ANKRD12: variants seen among roughly 807,000 people sequenced by gnomAD.
The protein encoded by ANKRD12 is ankyrin repeat domain-containing protein 12.
ANKRD12 carries 85 observed loss-of-function variants against 183.4 expected under a neutral mutation model. That is an observed-to-expected ratio of 0.46 (90% CI 0.39 to 0.56). The LOEUF is 0.56. ANKRD12 is among the 20% of genes least tolerant of loss of function. The pLI is 0.00. For synonymous variants in ANKRD12, 914 were observed against 800.2 expected (o/e 1.14, Z -2.40); for missense variants, 2,405 against 2,357.1 (o/e 1.02, Z -0.42).
At chr18:9,221,812 CTG>C (rs2036436703) in intron 7 of ANKRD12, 38 bp from the exon 8 acceptor site, 3 of 1,605,604 alleles carry the variant, frequency 1.9e-6, no homozygotes, top group Admixed American at 3.4e-5. Context: ...TGATAACAAT[CTG>C]TGAAGGGACT....
intron 5 of ANKRD12, among the ~76,000 whole-genome samples, chr18:9,210,887 A>G (rs1010907314): frequency 6.6e-6 from 1 of 151,894 alleles, no homozygotes; most frequent in Non-Finnish European, 1.5e-5. Context: ...TATAGTTGTA[A>G]ATTTTCAGAA....
intron 6 of ANKRD12, among the ~76,000 whole-genome samples, chr18:9,213,972 G>A (rs2035949633): frequency 6.6e-6 from 1 of 151,724 alleles, no homozygotes; most frequent in Admixed American, 6.6e-5. Context: ...TATATTTATT[G>A]GAAAGCTTAA....
intron 1 of ANKRD12, among the ~76,000 whole-genome samples, chr18:9,152,302 A>G (rs2078709058): frequency 6.6e-6 from 1 of 151,502 alleles, no homozygotes; most frequent in Admixed American, 6.6e-5. Flanking sequence ...GAAAATAAAA[A>G]GATACCTTTA....
At chr18:9,162,896 GT>G (rs1314848552) in intron 1 of ANKRD12, among the ~76,000 whole-genome samples, 2 of 151,788 alleles carry the variant, frequency 1.3e-5, no homozygotes, top group African/African-American at 2.4e-5. Flanking sequence ...GGGGTTGGTT[GT>G]TTTTTTCTTA....
chr18:9,162,742 T>C (rs1352871522), intron 1 of ANKRD12, among the ~76,000 whole-genome samples: 1 of 152,180 alleles, frequency 6.6e-6, no homozygotes, highest in Non-Finnish European at 1.5e-5. Flanking sequence ...TAATCGCCAT[T>C]CTGACTGGCA....
chr18:9,187,744 T>G (rs1567893965), intron 2 of ANKRD12, among the ~76,000 whole-genome samples: 1 of 152,226 alleles, frequency 6.6e-6, no homozygotes. Flanking sequence ...TAAATCAGTA[T>G]TTAAAATTTG....
At chr18:9,206,475 C>T (rs548814643) in intron 4 of ANKRD12, among the ~76,000 whole-genome samples, 4 of 152,020 alleles carry the variant, frequency 2.6e-5, no homozygotes, top group Non-Finnish European at 4.4e-5. Flanking sequence ...CTGCTTTTAA[C>T]TTGAAAACGC....
intron 3 of ANKRD12, 37 bp downstream of exon 3, chr18:9,195,735 C>G (rs1234463808): frequency 1.9e-6 from 3 of 1,588,700 alleles, no homozygotes; most frequent in Non-Finnish European, 2.6e-6. Context: ...AAATCTTGCC[C>G]ATTCTTTAAT....
intron 1 of ANKRD12, among the ~76,000 whole-genome samples, chr18:9,139,978 A>G (rs1247985514): frequency 2.0e-5 from 3 of 152,196 alleles, no homozygotes; most frequent in African/African-American, 7.2e-5. Context: ...GAGTTGTGGA[A>G]AGAACATTGA....
intron 1 of ANKRD12, among the ~76,000 whole-genome samples, chr18:9,171,249 A>G (rs1455761921): frequency 1.3e-5 from 2 of 152,074 alleles, no homozygotes; most frequent in African/African-American, 4.8e-5. Context: ...AAATGCAGAA[A>G]TCACCCGTCT....
chr18:9,255,959 G>A lies in ANKRD12; in HGVS notation c.2692G>A (p.Asp898Asn). The A allele has an allele frequency of 6.3e-7, 1 of 1,576,944 alleles. No homozygotes were observed. Residue 898 changes from aspartate (D) to asparagine (N), a missense_variant, in exon 9 of 13, where the codon GAC becomes AAC. Asp to Asn is a conservative substitution (Grantham distance 23, BLOSUM62 1). Coordinates refer to ENST00000262126, the MANE Select transcript of ANKRD12 (RefSeq NM_015208.5). ...AAATACTGCTGCTATTAAAAAAACT[G>A]ACGACAGAGAGAAAAGTAGAGAAAA... The part of the protein sequence containing the change: ...SKNTAAIKKT[D>N]DREKSREKMD...
intron 3 of ANKRD12, 58 bp downstream of exon 3, chr18:9,195,756 G>C (rs1231061077): frequency 6.5e-7 from 1 of 1,539,928 alleles, no homozygotes; most frequent in Non-Finnish European, 8.8e-7. Flanking sequence ...TCTGATTTTT[G>C]TTTCTTGTAC....
At chr18:9,226,106 A>G (rs2036693184) in intron 8 of ANKRD12, among the ~76,000 whole-genome samples, 1 of 152,196 alleles carries the variant, frequency 6.6e-6, no homozygotes, top group Non-Finnish European at 1.5e-5. Flanking sequence ...CTCCACCTGT[A>G]TAATCCAACA....
rs141611365 is a variant in ANKRD12, at chr18:9,195,531, T to C, written c.88-20T>C. 5.3e-3 allele frequency: 8,297 copies of C among 1,560,970 alleles called. 28 individuals carry two copies. Among genetic ancestry groups the C allele is most frequent in the Non-Finnish European group, 6.7e-3 (7,768 of 1,151,922 alleles). On this transcript the variant is annotated intron_variant, in intron 2 of 12. Coordinates refer to ENST00000262126, the MANE Select transcript of ANKRD12 (RefSeq NM_015208.5). ...TTAGCTAATATTGATATAACTTTAC[T>C]CTATTTGACTTTTTAATAGAGTAAA...
intron 1 of ANKRD12, among the ~76,000 whole-genome samples, chr18:9,171,768 C>A (rs1300370568): frequency 6.6e-6 from 1 of 152,090 alleles, no homozygotes; most frequent in Non-Finnish European, 1.5e-5. Flanking sequence ...CGTCTGTAAT[C>A]CCATCACTTT....
At chr18:9,187,798 C>G (rs761110414) in intron 2 of ANKRD12, among the ~76,000 whole-genome samples, 25 of 152,114 alleles carry the variant, frequency 1.6e-4, no homozygotes, top group Non-Finnish European at 3.1e-4. Context: ...AGTCTAAAAC[C>G]TGGTTAAATT....
At chr18:9,237,595 G>A (rs2037420709) in intron 8 of ANKRD12, among the ~76,000 whole-genome samples, 1 of 152,142 alleles carries the variant, frequency 6.6e-6, no homozygotes, top group South Asian at 2.1e-4. Context: ...GAGTTGTAGG[G>A]TTACTTGAAG....
At position 9,263,028 on chromosome 18, in the gene ANKRD12, C is replaced by A. The variant is rs113324943; in HGVS notation, c.5665-762C>A. Among the ~76,000 whole-genome samples the A allele has an allele frequency of 4.1e-3, 630 of 151,872 alleles. 4 individuals carry two copies. Among genetic ancestry groups the A allele is most frequent in the African/African-American group, 0.014 (596 of 41,430 alleles). ...AATCAGGCTGGTCTCGAACTACTAA[C>A]CTCGTGATCCACCCATCTTGGCCTC... On this transcript the variant is annotated intron_variant, in intron 9 of 12. Transcript: ENST00000262126.
Position 9,236,848 on chromosome 18 carries a change from T to C in ANKRD12, c.943+14849T>C, listed in dbSNP as rs762572577. 1.6e-4 allele frequency among the ~76,000 whole-genome samples: 24 copies of C among 152,162 alleles called. 1 individual carries two copies. Among genetic ancestry groups the C allele is most frequent in the Non-Finnish European group, 2.2e-4 (15 of 68,010 alleles). ...CTTGACATACATTGGCCAGATTCTTTAGCTATGAAGTGACAAGTTATGGGC... is the reference window on the plus strand; with the variant it reads ...CTTGACATACATTGGCCAGATTCTTCAGCTATGAAGTGACAAGTTATGGGC... On this transcript the variant is annotated intron_variant, in intron 8 of 12. Coordinates refer to ENST00000262126, the MANE Select transcript of ANKRD12 (RefSeq NM_015208.5).
Sources: gnomAD v4.1 joint callset for allele counts (sites outside exome capture counted in the v4.1 genomes callset) on GRCh38, gnomAD v4.1.1 for gene constraint, MANE v1.5 for transcripts, NCBI Gene and HGNC (gene_info 2026-07-23, HGNC 2026-07-21) for gene names.